Variants in RSPH10B2 observed in about 807,000 individuals in gnomAD.
RSPH10B2 encodes the protein radial spoke head 10 homolog B2 (Chlamydomonas).
A neutral mutation model predicts 49.0 loss-of-function variants in RSPH10B2; 9 were observed. The observed-to-expected ratio is 0.18, with a 90% confidence interval of 0.11 to 0.32. The LOEUF (loss-of-function observed/expected upper bound fraction) is 0.32. RSPH10B2 is among the 10% of genes least tolerant of loss of function. The pLI, the probability that RSPH10B2 is intolerant of heterozygous loss-of-function variation, is 1.00. For synonymous variants in RSPH10B2, 35 were observed against 210.2 expected (o/e 0.17, Z 7.21); for missense variants, 95 against 589.9 (o/e 0.16, Z 8.69).
At chr7:6,755,876 G>A (rs1781040798), upstream of RSPH10B2, among the ~76,000 whole-genome samples, 2 of 114,954 alleles carry the variant, frequency 1.7e-5, no homozygotes, top group African/African-American at 4.3e-5. Flanking sequence ...GTTGCAGTGA[G>A]CCAGTGAGCC....
At chr7:6,783,512 A>G (rs887236107) in intron 13 of RSPH10B2, among the ~76,000 whole-genome samples, 13 of 133,604 alleles carry the variant, frequency 9.7e-5, no homozygotes, top group Non-Finnish European at 1.6e-4. Context: ...TCACTCTGTC[A>G]CCCAGGCTGG....
In RSPH10B2 at chr7:6,796,207, G is replaced by A. The variant is rs534226521; in HGVS notation, c.2234-361G>A. Among the ~76,000 whole-genome samples the A allele has an allele frequency of 3.2e-3, 382 of 117,880 alleles. 9 individuals are homozygous for A. Among genetic ancestry groups the A allele is most frequent in the African/African-American group, 0.011 (360 of 31,992 alleles). The allele number at this position is 117,880 out of a possible 152,430, so 77.3% of individuals were successfully genotyped here. A position where few individuals can be genotyped will look rare whatever the true frequency, so the allele number is the denominator to read the frequency against. On this transcript the variant is annotated intron_variant, in intron 17 of 18. Transcript: ENST00000297186. Reference sequence around the variant, plus strand: ...TGATGGCGCACGCCTGTAGCTACTCGGGAGGCTGAGGCATGAGAATCACTT... The same window carrying A: ...TGATGGCGCACGCCTGTAGCTACTCAGGAGGCTGAGGCATGAGAATCACTT...
At position 6,781,848 on chromosome 7, in the gene RSPH10B2, C is replaced by G. The variant is rs1395663354; in HGVS notation, c.1758+372C>G. On this transcript the variant is annotated intron_variant, in intron 13 of 18. Coordinates refer to ENST00000297186, the Ensembl canonical transcript of RSPH10B2. ...GCATGGACATATATATTTATATATG[C>G]CATGGGCCATTGTCTTAAAAAATAT... is the stretch of plus-strand genomic sequence containing the variant. Among the ~76,000 whole-genome samples, 6 of 105,522 alleles carry G rather than the reference C, an allele frequency of 5.7e-5. 2 individuals are homozygous for G. The highest frequency in any genetic ancestry group is 2.2e-4 in the African/African-American group (6 of 27,158). 69.2% of individuals were successfully genotyped at this position (105,522 alleles called of 152,430 possible).
chr7:6,783,875 C>A (rs1186973150), intron 13 of RSPH10B2, among the ~76,000 whole-genome samples: 4 of 141,908 alleles, frequency 2.8e-5, no homozygotes, highest in Non-Finnish European at 6.0e-5. Flanking sequence ...CTTGCTCTGT[C>A]GCCCAGGCTG....
chr7:6,760,869 AT>A (rs1781236531), intron 3 of RSPH10B2, among the ~76,000 whole-genome samples: 1 of 64,386 alleles, frequency 1.6e-5, no homozygotes. Flanking sequence ...CGGCTAATTT[AT>A]TTTTACTTTT....
chr7:6,781,982 T>G (rs1781955183), intron 13 of RSPH10B2, among the ~76,000 whole-genome samples: 1 of 111,492 alleles, frequency 9.0e-6, no homozygotes, highest in Non-Finnish European at 1.8e-5. Flanking sequence ...GAAGTGATCT[T>G]GGCTCACTGC....
chr7:6,783,632 C>G (rs1172881487), intron 13 of RSPH10B2, among the ~76,000 whole-genome samples: 2 of 146,298 alleles, frequency 1.4e-5, no homozygotes, highest in African/African-American at 5.2e-5. Context: ...GCCAACATAC[C>G]CAGCTAATTT....
At chr7:6,784,457 TCCATGTTGGCCAGGGTTTCA>T (rs1169731751) in intron 13 of RSPH10B2, among the ~76,000 whole-genome samples, 1 of 29,420 alleles carries the variant, frequency 3.4e-5, no homozygotes, top group East Asian at 2.4e-3. Context: ...ACGGGGTTTC[TCCATGTTGGCCAGGGTTTCA>T]CCATGTTGCC....
chr7:6,764,706 T>G (rs1271328859), intron 4 of RSPH10B2, among the ~76,000 whole-genome samples: 1 of 146,920 alleles, frequency 6.8e-6, no homozygotes, highest in African/African-American at 2.6e-5. Context: ...GTGTTGTTGT[T>G]GTTGTGTGTG....
At chr7:6,756,039 C>A (rs879722136), upstream of RSPH10B2, among the ~76,000 whole-genome samples, 1 of 150,478 alleles carries the variant, frequency 6.6e-6, no homozygotes, top group South Asian at 2.1e-4. Context: ...GAGGCCAAGG[C>A]GGGCAGATCA....
chr7:6,768,527 G>C (rs1198183420), intron 6 of RSPH10B2, 63 bp from the exon 9 acceptor site: 1 of 152,506 alleles, frequency 6.6e-6, no homozygotes, highest in African/African-American at 2.5e-5. Context: ...TAATTTTAAG[G>C]GGATCCGGGT....
rs186196152 is a variant in RSPH10B2, at chr7:6,792,704, G to A, written c.2233+707G>A. 2.8e-4 allele frequency among the ~76,000 whole-genome samples: 34 copies of A among 119,500 alleles called. 10 individuals are homozygous for A. The highest frequency in any genetic ancestry group is 8.8e-4 in the African/African-American group (27 of 30,832). The allele number at this position is 119,500 out of a possible 152,430, so 78.4% of individuals were successfully genotyped here. On this transcript the variant is annotated intron_variant, in intron 17 of 18. Transcript: ENST00000297186. ...GGGAATTTTCCGCTGTTACTCTGCC[G>A]GCCTTGCCAGTTGCACGTGGCCTTG...
At position 6,795,878 on chromosome 7, in the gene RSPH10B2, G is replaced by A. The variant is rs191845123; in HGVS notation, c.2234-690G>A. Among the ~76,000 whole-genome samples, 419 of 148,938 alleles carry A rather than the reference G, an allele frequency of 2.8e-3. 26 individuals are homozygous for A. The highest frequency in any genetic ancestry group is 9.8e-3 in the African/African-American group (400 of 40,632). Reference sequence around the variant, plus strand: ...CAGGAGTTCCTCCAGGCTTCAGTGAGCCATGGTCATGCCACTGCACTCCAG... The same window carrying A: ...CAGGAGTTCCTCCAGGCTTCAGTGAACCATGGTCATGCCACTGCACTCCAG... On this transcript the variant is annotated intron_variant, in intron 17 of 18. Coordinates refer to ENST00000297186, the Ensembl canonical transcript of RSPH10B2.
exon 4 of RSPH10B2, chr7:6,763,982 G>A (rs199789879): frequency 4.0e-6 from 6 of 1,511,258 alleles, no homozygotes; most frequent in East Asian, 2.3e-5. Flanking sequence ...GTGGCCGGAC[G>A]GCAGCATGTA....
chr7:6,755,794 A>T (rs1041450115), upstream of RSPH10B2, among the ~76,000 whole-genome samples: 1 of 96,376 alleles, frequency 1.0e-5, no homozygotes, highest in African/African-American at 5.4e-5. Context: ...TTAGCTGAGT[A>T]TGGAGGCAGG....
At chr7:6,752,362 CCTGT>C (rs1477116092), upstream of RSPH10B2, among the ~76,000 whole-genome samples, 2 of 128,920 alleles carry the variant, frequency 1.6e-5, no homozygotes, top group East Asian at 4.6e-4. Context: ...TATAAGAATC[CCTGT>C]CTGTCTTTTC....
intron 7 of RSPH10B2, among the ~76,000 whole-genome samples, chr7:6,769,470 G>A (rs1317036888): frequency 1.3e-4 from 7 of 54,684 alleles, no homozygotes; most frequent in Admixed American, 4.4e-4. Flanking sequence ...GCATTGTTGC[G>A]CAACCATCAC....
intron 4 of RSPH10B2, among the ~76,000 whole-genome samples, chr7:6,764,464 A>G (rs1781382654): frequency 1.3e-5 from 2 of 150,896 alleles, no homozygotes; most frequent in Non-Finnish European, 1.5e-5. Context: ...GGGTTCAAGC[A>G]AATCTCCTGC....
At chr7:6,791,369 G>GTT (rs1164729990) in intron 16 of RSPH10B2, among the ~76,000 whole-genome samples, 7 of 116,396 alleles carry the variant, frequency 6.0e-5, no homozygotes, top group East Asian at 3.4e-4. Context: ...AGTTTTGGGG[G>GTT]TTTTTTTTGA....
Sources: allele counts gnomAD v4.1 joint callset (sites outside exome capture counted in the v4.1 genomes callset), GRCh38; gene constraint gnomAD v4.1.1; transcripts MANE v1.5; gene names NCBI Gene and HGNC (gene_info 2026-07-23, HGNC 2026-07-21).